PCMT1: variants seen among roughly 807,000 people sequenced by gnomAD.
PCMT1 encodes protein-L-isoaspartate (D-aspartate) O-methyltransferase, also known as protein-L-isoaspartate(D-aspartate) O-methyltransferase.
A neutral mutation model predicts 29.2 loss-of-function variants in PCMT1; 9 were observed. The ratio of observed to expected loss-of-function variants is 0.31; its 90% CI spans 0.19 to 0.54. The LOEUF is 0.54. PCMT1 is among the 20% of genes least tolerant of loss of function. The pLI is 0.95. For missense variants in PCMT1, 184 were observed against 282.2 expected, an observed-to-expected ratio of 0.65 and a Z score of 2.49; for synonymous variants, 98 against 97.5, an observed-to-expected ratio of 1.00 and a Z score of -0.03.
At chr6:149,749,737 G>T (rs992245380), upstream of PCMT1, 2 of 1,545,674 alleles carry the variant, frequency 1.3e-6, no homozygotes, top group East Asian at 2.5e-5. Context: ...GATGCCGGGA[G>T]CGCGCAGTGG....
rs1467302773 is a variant in PCMT1, at chr6:149,786,927, C to A, written c.193-3027C>A. Among the ~76,000 whole-genome samples, 3 of 142,250 alleles carry A rather than the reference C, an allele frequency of 2.1e-5. 1 individual carries two copies. The highest frequency in any genetic ancestry group is 8.4e-5 in the African/African-American group (3 of 35,638). 93.3% of individuals were successfully genotyped at this position (142,250 alleles called of 152,430 possible). ...CGGCACTTTGGGAGGCCAAGGCAGGCGGCTGGGAGGTAGAGGTTGTAGCTA... is the reference window on the plus strand; with the variant it reads ...CGGCACTTTGGGAGGCCAAGGCAGGAGGCTGGGAGGTAGAGGTTGTAGCTA... On this transcript the variant is annotated intron_variant, in intron 3 of 7. Transcript: ENST00000464889.
chr6:149,761,987 G>A (rs1562397752), intron 1 of PCMT1, among the ~76,000 whole-genome samples: 1 of 152,094 alleles, frequency 6.6e-6, no homozygotes, highest in Non-Finnish European at 1.5e-5. Context: ...TGCTATTGAA[G>A]ACTGTCAAAT....
In PCMT1 at chr6:149,787,819, TCC is replaced by T. The variant is rs1470132871; in HGVS notation, c.193-2134_193-2133del. ...ATTCTCTCTCCCTTTATCCCCTCTC[TCC>T]TCTGTGTGTGTGTGTGTGTGTGTAT... On this transcript the variant is annotated intron_variant, in intron 3 of 7. Coordinates refer to ENST00000464889, the MANE Select transcript of PCMT1 (RefSeq NM_001360452.2). Among the ~76,000 whole-genome samples the T allele has an allele frequency of 2.4e-5, 3 of 122,666 alleles. No individual in the cohort carries two copies. In the Admixed American group the frequency reaches 2.6e-4, roughly 11 times the overall value. 80.5% of individuals were successfully genotyped at this position (122,666 alleles called of 152,430 possible). A position where few individuals can be genotyped will look rare whatever the true frequency, so the allele number is the denominator to read the frequency against.
chr6:149,792,429 A>C (rs766444362), intron 4 of PCMT1, among the ~76,000 whole-genome samples: 1 of 152,198 alleles, frequency 6.6e-6, no homozygotes, highest in Non-Finnish European at 1.5e-5. Context: ...AATTTTTTAA[A>C]TTTTTATATT....
intron 1 of PCMT1, among the ~76,000 whole-genome samples, chr6:149,768,412 T>G (rs74782227): frequency 0.013 from 1,913 of 151,624 alleles, 48 homozygotes; most frequent in African/African-American, 0.044. Flanking sequence ...AAAATTCTTA[T>G]TATAATAGGT....
intron 1 of PCMT1, chr6:149,750,287 G>A (rs1450957889): frequency 1.2e-5 from 4 of 338,362 alleles, no homozygotes; most frequent in Non-Finnish European, 1.6e-5. Context: ...GGTCCGGCTT[G>A]TGAGGGGCGT....
intron 2 of PCMT1, chr6:149,772,395 C>A: frequency 3.1e-6 from 1 of 318,568 alleles, no homozygotes; most frequent in Non-Finnish European, 6.1e-6. Context: ...TTCAGTTATT[C>A]TAGTTTTTTT....
chr6:149,799,952 A>G (rs1386665248), intron 6 of PCMT1, among the ~76,000 whole-genome samples: 1 of 152,244 alleles, frequency 6.6e-6, no homozygotes, highest in Non-Finnish European at 1.5e-5. Flanking sequence ...AGGGAGTTCA[A>G]TCCTTATCTA....
rs1215113060 is a variant in PCMT1, at chr6:149,805,887, G to A, written c.*37+3471G>A. On this transcript the variant is annotated intron_variant, in intron 7 of 7. Transcript: ENST00000464889. ...ACCTGGGAGGTGGAGGTTGCATTGA[G>A]CCTACATTGTGCCACTGTACTCTAA... Among the ~76,000 whole-genome samples the A allele has an allele frequency of 2.0e-5, 3 of 148,988 alleles. No homozygotes were observed. The East Asian group carries it at 5.9e-4, about 30-fold the overall frequency.
chr6:149,803,734 A>G (rs1427959361), intron 7 of PCMT1, among the ~76,000 whole-genome samples: 1 of 150,968 alleles, frequency 6.6e-6, no homozygotes, highest in Non-Finnish European at 1.5e-5. Flanking sequence ...AGATCTCTCA[A>G]TGTTGTTTTT....
chr6:149,758,513 T>C (rs1237929685), intron 1 of PCMT1, among the ~76,000 whole-genome samples: 2 of 151,862 alleles, frequency 1.3e-5, no homozygotes, highest in East Asian at 3.9e-4. Flanking sequence ...CCTGGCCCAA[T>C]TTTTTTCTTT....
intron 1 of PCMT1, among the ~76,000 whole-genome samples, chr6:149,766,055 A>C (rs1787070835): frequency 6.6e-6 from 1 of 151,538 alleles, no homozygotes; most frequent in Non-Finnish European, 1.5e-5. Flanking sequence ...CCTGTACAGC[A>C]GTCAGTGATC....
intron 7 of PCMT1, among the ~76,000 whole-genome samples, chr6:149,808,995 C>G (rs1776088249): frequency 6.7e-6 from 1 of 149,880 alleles, no homozygotes; most frequent in South Asian, 2.1e-4. Context: ...TGGCTCACAC[C>G]TGTAATCCCA....
intron 1 of PCMT1, among the ~76,000 whole-genome samples, chr6:149,761,596 T>A (rs1786742904): frequency 6.6e-6 from 1 of 152,196 alleles, no homozygotes. Context: ...ATCCCCTTCC[T>A]TCATATAGTT....
chr6:149,772,409 A>G, intron 2 of PCMT1: 1 of 316,532 alleles, frequency 3.2e-6, no homozygotes, highest in Non-Finnish European at 6.2e-6. Context: ...TTTTTTTTTA[A>G]GTTGACAGAA....
intron 3 of PCMT1, among the ~76,000 whole-genome samples, chr6:149,779,726 C>G (rs554310439): frequency 6.6e-6 from 1 of 152,178 alleles, no homozygotes; most frequent in South Asian, 2.1e-4. Context: ...AAGAGAATCA[C>G]TTGGACCTGG....
intron 3 of PCMT1, among the ~76,000 whole-genome samples, chr6:149,776,453 T>C (rs1300897118): frequency 1.3e-5 from 2 of 152,020 alleles, no homozygotes; most frequent in African/African-American, 4.8e-5. Context: ...GGTTTCGCCA[T>C]GTTGGCCAGG....
chr6:149,796,511 A>AT lies in PCMT1; in HGVS notation c.504+17dup. On this transcript the variant is annotated intron_variant, in intron 6 of 7. Coordinates refer to ENST00000464889, the MANE Select transcript of PCMT1 (RefSeq NM_001360452.2). The stretch of plus-strand genomic sequence containing the variant: ...GTTGTACCCCAGGCGGTGAGTCGGG[A>AT]TTTTTTCTGTTTGTGTGTTTTTATT... 6.2e-7 allele frequency: 1 copy of AT among 1,600,926 alleles called. No homozygotes were observed. Among genetic ancestry groups the AT allele is most frequent in the African/African-American group, 1.3e-5 (1 of 74,446 alleles).
chr6:149,802,883 G>A (rs4870015), intron 7 of PCMT1, among the ~76,000 whole-genome samples: 80,658 of 150,962 alleles, frequency 0.53, 24,698 homozygotes, highest in East Asian at 0.83. Context: ...GTGAAACCCC[G>A]TCTCTATTAA....
Sources: gnomAD v4.1 joint callset for allele counts (sites outside exome capture counted in the v4.1 genomes callset) on GRCh38, gnomAD v4.1.1 for gene constraint, MANE v1.5 for transcripts, NCBI Gene and HGNC (gene_info 2026-07-23, HGNC 2026-07-21) for gene names.